NRG1: variants seen among roughly 807,000 people sequenced by gnomAD.
NRG1 encodes the protein neuregulin 1.
In NRG1, 18 loss-of-function variants were observed where a neutral mutation model predicts 63.8. The ratio of observed to expected loss-of-function variants is 0.28; its 90% CI spans 0.19 to 0.42. The LOEUF is 0.42. NRG1 is among the 10% of genes least tolerant of loss of function. The pLI, the probability that NRG1 is intolerant of heterozygous loss-of-function variation, is 1.00. For synonymous variants in NRG1, 302 were observed against 301.3 expected (o/e 1.00, Z -0.02); for missense variants, 762 against 814.7 (o/e 0.94, Z 0.79).
Position 32,069,125 on chromosome 8 carries a change from G to T in NRG1, c.37+429694G>T, listed in dbSNP as rs1465147682. The stretch of plus-strand genomic sequence containing the variant: ...GAAGGAGGGATGAACCGTCCTCAGG[G>T]TCTGTCTGCTCACAGGCAGGAGACT... On this transcript the variant is annotated intron_variant, in intron 1 of 10. Coordinates refer to the NRG1 transcript ENST00000519301. Among the ~76,000 whole-genome samples, 12 of 152,162 alleles carry T rather than the reference G, an allele frequency of 7.9e-5. No homozygotes were observed. The East Asian group carries it at 2.1e-3, about 27-fold the overall frequency.
intron 5 of NRG1, chr8:32,647,770 G>A (rs146076035): frequency 4.5e-5 from 73 of 1,608,192 alleles, no homozygotes; most frequent in South Asian, 3.3e-5. Flanking sequence ...AGGTCCTCCA[G>A]CCCCTCCACT....
intron 5 of NRG1, among the ~76,000 whole-genome samples, chr8:32,667,283 G>A (rs2439320): frequency 0.57 from 86,426 of 152,026 alleles, 24,863 homozygotes; most frequent in East Asian, 0.64. Flanking sequence ...GACCACTGTC[G>A]TAGATGCAGT....
At chr8:32,243,028 TCTC>T (rs1207508419) in intron 1 of NRG1, among the ~76,000 whole-genome samples, 9 of 152,036 alleles carry the variant, frequency 5.9e-5, no homozygotes, top group Admixed American at 6.6e-5. Context: ...TCTGGGTCCT[TCTC>T]CTTGGCTTGT....
At chr8:32,085,379 A>G (rs555530044) in intron 1 of NRG1, among the ~76,000 whole-genome samples, 7 of 152,124 alleles carry the variant, frequency 4.6e-5, no homozygotes, top group Non-Finnish European at 1.0e-4. Context: ...TATGAGTTTG[A>G]CTATTTTAGT....
chr8:32,525,815 T>C (rs1312231625), intron 1 of NRG1, among the ~76,000 whole-genome samples: 2 of 152,192 alleles, frequency 1.3e-5, no homozygotes, highest in African/African-American at 4.8e-5. Flanking sequence ...AACTTTCTTG[T>C]TGATTTTCTT....
chr8:32,044,839 G>T (rs552716789), intron 1 of NRG1, among the ~76,000 whole-genome samples: 2 of 140,448 alleles, frequency 1.4e-5, no homozygotes, highest in South Asian at 2.4e-4. Context: ...TATGTAAAAT[G>T]CTCATGTTAT....
chr8:32,450,713 G>T (rs1820845578), intron 1 of NRG1, among the ~76,000 whole-genome samples: 1 of 152,024 alleles, frequency 6.6e-6, no homozygotes, highest in Non-Finnish European at 1.5e-5. Context: ...ACTGCACCTG[G>T]TCTAGAAATT....
At chr8:32,063,232 C>T (rs989048706) in intron 1 of NRG1, 2 of 152,078 alleles carry the variant, frequency 1.3e-5, no homozygotes, top group East Asian at 3.9e-4. Context: ...ACTGAGTATC[C>T]GTAAAGTTGG....
At chr8:32,548,448 G>A in exon 1 of NRG1, 7 of 1,156,224 alleles carry the variant, frequency 6.1e-6, no homozygotes, top group Non-Finnish European at 7.4e-6. Flanking sequence ...GCCAGGACGC[G>A]AGCCGCCAGC....
At chr8:32,426,741 A>G (rs1817424108) in intron 1 of NRG1, among the ~76,000 whole-genome samples, 1 of 152,144 alleles carries the variant, frequency 6.6e-6, no homozygotes, top group Non-Finnish European at 1.5e-5. Flanking sequence ...TTCTCTTTCA[A>G]CCACCTATCA....
chr8:32,397,456 T>A (rs1812585326), intron 1 of NRG1, among the ~76,000 whole-genome samples: 1 of 152,032 alleles, frequency 6.6e-6, no homozygotes, highest in Admixed American at 6.6e-5. Flanking sequence ...TGACATATTG[T>A]GATTTCCAAG....
chr8:32,249,225 C>T (rs1009349320), intron 1 of NRG1, among the ~76,000 whole-genome samples: 13 of 152,112 alleles, frequency 8.5e-5, no homozygotes, highest in African/African-American at 2.9e-4. Flanking sequence ...GTTGCAACTT[C>T]CATAGTAGCT....
At chr8:32,216,105 C>T (rs1722404394) in intron 1 of NRG1, among the ~76,000 whole-genome samples, 1 of 150,830 alleles carries the variant, frequency 6.6e-6, no homozygotes, top group Non-Finnish European at 1.5e-5. Flanking sequence ...TATACATTAT[C>T]TAGATATTAT....
intron 1 of NRG1, among the ~76,000 whole-genome samples, chr8:32,209,712 C>CCTT (rs1844463236): frequency 7.6e-6 from 1 of 131,896 alleles, no homozygotes; most frequent in African/African-American, 2.9e-5. Flanking sequence ...TTCTCTCTTT[C>CCTT]CCTTCCTTCC....
intron 1 of NRG1, among the ~76,000 whole-genome samples, chr8:31,767,942 T>A (rs1375726675): frequency 6.6e-6 from 1 of 152,134 alleles, no homozygotes; most frequent in Non-Finnish European, 1.5e-5. Context: ...TTTTCTGTAT[T>A]TGTCCAACAT....
chr8:31,770,631 G>C (rs549024003), intron 1 of NRG1, among the ~76,000 whole-genome samples: 25 of 151,590 alleles, frequency 1.6e-4, no homozygotes, highest in Admixed American at 1.3e-3. Flanking sequence ...GTGGGGGTAG[G>C]GGGGAGGGAT....
intron 1 of NRG1, among the ~76,000 whole-genome samples, chr8:32,585,360 C>A (rs533066202): frequency 6.6e-6 from 1 of 152,052 alleles, no homozygotes; most frequent in Admixed American, 6.6e-5. Flanking sequence ...TCTTTATGTC[C>A]GAGAGTGAGA....
intron 1 of NRG1, among the ~76,000 whole-genome samples, chr8:32,529,236 G>T (rs540192566): frequency 8.7e-4 from 133 of 152,262 alleles, no homozygotes; most frequent in Middle Eastern, 3.4e-3. Flanking sequence ...AAAAGGTACA[G>T]AAAAATGCAG....
chr8:32,266,860 C>T (rs1850994648), intron 1 of NRG1, among the ~76,000 whole-genome samples: 1 of 138,152 alleles, frequency 7.2e-6, no homozygotes, highest in African/African-American at 2.7e-5. Context: ...CCAGTAAAAC[C>T]ACGTCTCTAC....
Sources: gnomAD v4.1 joint callset for allele counts (sites outside exome capture counted in the v4.1 genomes callset) on GRCh38, gnomAD v4.1.1 for gene constraint, MANE v1.5 for transcripts, NCBI Gene and HGNC (gene_info 2026-07-23, HGNC 2026-07-21) for gene names.